The following LMAN2 variants were observed in gnomAD, a reference collection of about 807,000 sequenced individuals.
LMAN2 encodes vesicular integral-membrane protein VIP36.
LMAN2 carries 22 observed loss-of-function variants against 39.3 expected under a neutral mutation model. That is an observed-to-expected ratio of 0.56 (90% CI 0.40 to 0.80). The LOEUF (loss-of-function observed/expected upper bound fraction) is 0.80. Among genes scored for constraint, LMAN2 ranks in the 30% least tolerant of loss-of-function variants. The pLI is 0.00. For missense variants in LMAN2, 494 were observed against 505.4 expected, an observed-to-expected ratio of 0.98 and a Z score of 0.22; for synonymous variants, 207 against 207.8, an observed-to-expected ratio of 1.00 and a Z score of 0.03.
In LMAN2 at chr5:177,337,328, C is replaced by A. The variant is rs1561604209; in HGVS notation, c.675+35G>T. On this transcript the variant is annotated intron_variant, in intron 5 of 7. Transcript: ENST00000303127. The surrounding 1 kb of genome is among the most constrained non-coding windows in gnomAD (Gnocchi z 8.2). The stretch of plus-strand genomic sequence containing the variant: ...AGCCTCTGTGGGACCAGCACAGGGC[C>A]ACCAGCTGCCACCCCCACCGCCTAG... The A allele has an allele frequency of 6.2e-7, 1 of 1,610,118 alleles. No homozygotes were observed. Among genetic ancestry groups the A allele is most frequent in the Admixed American group, 1.7e-5 (1 of 59,934 alleles).
chr5:177,337,141 A>G lies in LMAN2; in HGVS notation c.785T>C (p.Leu262Pro). 1 of 1,612,122 alleles carries G rather than the reference A, an allele frequency of 6.2e-7. No individual in the cohort carries two copies. The highest frequency in any genetic ancestry group is 8.5e-7 in the Non-Finnish European group (1 of 1,179,148). Residue 262 changes from leucine to proline, a missense_variant, in exon 6 of 8, where the codon CTG (leucine) becomes CCG (proline). Physicochemically the swap from Leu to Pro is moderately conservative, Grantham distance 98. Coordinates refer to ENST00000303127, the MANE Select transcript of LMAN2 (RefSeq NM_006816.3). The surrounding 1 kb of genome is among the most constrained non-coding windows in gnomAD (Gnocchi z 8.2). ...GCCTGGCCCGGCCCACTCACCAGAC[A>G]GGTCGCCGGTGCCGGCGGAGGCCCC... ...YFGASAGTGD[L>P]SDNHDIISMK...
chr5:177,345,359 A>C (rs2127318745), intron 2 of LMAN2, among the ~76,000 whole-genome samples: 1 of 151,350 alleles, frequency 6.6e-6, no homozygotes, highest in East Asian at 1.9e-4. Context: ...AAAAAAAAAA[A>C]AAAGCCACTC....
intron 2 of LMAN2, among the ~76,000 whole-genome samples, chr5:177,341,686 G>A (rs1245528425): frequency 6.6e-6 from 1 of 152,242 alleles, no homozygotes. Context: ...TGTAAAGTCA[G>A]ATTCCAGAAG....
intron 2 of LMAN2, among the ~76,000 whole-genome samples, chr5:177,342,494 A>C (rs913637930): frequency 6.6e-6 from 1 of 152,104 alleles, no homozygotes; most frequent in Admixed American, 6.6e-5. Flanking sequence ...AGACTAGCCC[A>C]GGCAACACGG....
In LMAN2 at chr5:177,337,802, A is replaced by G. The variant is rs1418341916; in HGVS notation, c.434-17T>C. 6.2e-7 allele frequency: 1 copy of G among 1,611,734 alleles called. No homozygotes were observed. Among genetic ancestry groups the G allele is most frequent in the South Asian group, 1.1e-5 (1 of 90,664 alleles). On this transcript the variant is annotated splice_polypyrimidine_tract_variant and intron_variant, in intron 3 of 7. Transcript: ENST00000303127. This position sits in a 1 kb window ranked among gnomAD's most constrained non-coding sequence, Gnocchi z 8.2. Reference sequence around the variant, plus strand: ...ACACAGGCCCTAGAATTATAAGCAGATGCTCTCAGAATGGGAGAAACAGGA... The same window carrying G: ...ACACAGGCCCTAGAATTATAAGCAGGTGCTCTCAGAATGGGAGAAACAGGA...
intron 2 of LMAN2, among the ~76,000 whole-genome samples, chr5:177,341,639 C>A (rs1305191141): frequency 2.6e-5 from 4 of 152,244 alleles, no homozygotes; most frequent in African/African-American, 9.6e-5. Context: ...CTCACACTTT[C>A]ATTCTTCAGG....
At chr5:177,351,340 C>T (rs1761720953) in intron 1 of LMAN2, 49 bp from the exon 2 acceptor site, 2 of 1,605,832 alleles carry the variant, frequency 1.2e-6, no homozygotes, top group Non-Finnish European at 1.7e-6. Context: ...CTGGCCTCAC[C>T]AGAGGCAGGA....
intron 2 of LMAN2, among the ~76,000 whole-genome samples, chr5:177,344,849 T>C (rs1186105070): frequency 6.6e-6 from 1 of 150,558 alleles, no homozygotes; most frequent in Non-Finnish European, 1.5e-5. Context: ...GAGGTTGTGG[T>C]GAGCCGAGAT....
intron 2 of LMAN2, among the ~76,000 whole-genome samples, chr5:177,344,452 T>C (rs955525055): frequency 1.3e-5 from 2 of 151,218 alleles, no homozygotes; most frequent in Non-Finnish European, 1.5e-5. Flanking sequence ...AGCTAATTAG[T>C]TGTATTTTTA....
At chr5:177,340,299 G>A (rs1350732392) in intron 2 of LMAN2, among the ~76,000 whole-genome samples, 1 of 152,150 alleles carries the variant, frequency 6.6e-6, no homozygotes, top group Admixed American at 6.5e-5. Flanking sequence ...GCAATCCTGA[G>A]AACGTGTGCC....
chr5:177,332,276 C>G lies in LMAN2; in HGVS notation c.911-30G>C. Reference sequence around the variant, plus strand: ...GGGAGAAGAAACGGGGGAGCTGAAACGGCAGCACGGGCCGGGGATCAGGGG... The same window carrying G: ...GGGAGAAGAAACGGGGGAGCTGAAAGGGCAGCACGGGCCGGGGATCAGGGG... On this transcript the variant is annotated intron_variant, in intron 7 of 7. Transcript: ENST00000303127. The surrounding 1 kb of genome is among the most constrained non-coding windows in gnomAD (Gnocchi z 6.3). 1 of 1,604,344 alleles carries G rather than the reference C, an allele frequency of 6.2e-7. No individual in the cohort carries two copies. The highest frequency in any genetic ancestry group is 1.1e-5 in the South Asian group (1 of 90,358).
At chr5:177,347,165 T>C (rs1318118209) in intron 2 of LMAN2, among the ~76,000 whole-genome samples, 2 of 152,038 alleles carry the variant, frequency 1.3e-5, no homozygotes, top group Non-Finnish European at 2.9e-5. Flanking sequence ...AGAAACCAGA[T>C]TTCAAATGGT....
At chr5:177,351,412 C>T (rs776735988) in intron 1 of LMAN2, 40 bp downstream of exon 1, 11 of 1,606,282 alleles carry the variant, frequency 6.8e-6, no homozygotes, top group Admixed American at 5.0e-5. Context: ...TGTTCAGCCT[C>T]GCCCTCACTC....
In LMAN2 at chr5:177,337,163, C is replaced by T; in HGVS notation, c.763G>A (p.Ala255Thr). The change falls in exon 6 of 8, where the codon GCC becomes ACC. Residue 255 changes from alanine to threonine, a missense_variant. Ala to Thr is a moderately conservative substitution (Grantham distance 58). Coordinates refer to ENST00000303127, the MANE Select transcript of LMAN2 (RefSeq NM_006816.3). This position sits in a 1 kb window ranked among gnomAD's most constrained non-coding sequence, Gnocchi z 8.2. ...VRLPTGYYFGASAGTGDLSDN... is the reference protein window; with the variant it reads ...VRLPTGYYFGTSAGTGDLSDN... ...GACAGGTCGCCGGTGCCGGCGGAGG[C>T]CCCGAAGTAGTAGCCGGTGGGCAGG... 1 of 1,613,716 alleles carries T rather than the reference C, an allele frequency of 6.2e-7. No homozygotes were observed.
chr5:177,331,785 C>T lies in LMAN2; in HGVS notation c.*301G>A, dbSNP rs8119. The T allele has an allele frequency of 0.058, 15,833 of 272,606 alleles. 1,248 individuals are homozygous for T. Among genetic ancestry groups the T allele is most frequent in the African/African-American group, 0.23 (10,341 of 45,626 alleles). The allele number at this position is 272,606 out of a possible 1,614,324, so 16.9% of individuals were successfully genotyped here. ...GCCCACCCCAGTGTGGTCCGGGGGA[C>T]CCTCCAGTGTTCAACAGCTGCCTGC... is the stretch of plus-strand genomic sequence containing the variant. On this transcript the variant is annotated 3_prime_UTR_variant, in exon 8 of 8. Transcript: ENST00000303127.
rs1159301189 is a variant in LMAN2 at position 177,337,086 on chromosome 5, C to T, written c.790+50G>A. On this transcript the variant is annotated intron_variant, in intron 6 of 7. Coordinates refer to ENST00000303127, the MANE Select transcript of LMAN2 (RefSeq NM_006816.3). This position sits in a 1 kb window ranked among gnomAD's most constrained non-coding sequence, Gnocchi z 8.2. ...ATCAACTGCATGGAAAGCTCCCAGTCCCTCAGGGTGAGCTGGGCTGGGAAC... is the reference window on the plus strand; with the variant it reads ...ATCAACTGCATGGAAAGCTCCCAGTTCCTCAGGGTGAGCTGGGCTGGGAAC... The T allele has an allele frequency of 1.4e-6, 2 of 1,391,708 alleles. No individual in the cohort carries two copies. Among genetic ancestry groups the T allele is most frequent in the East Asian group, 2.3e-5 (1 of 43,664 alleles). 86.2% of individuals were successfully genotyped at this position (1,391,708 alleles called of 1,614,324 possible). A position where few individuals can be genotyped will look rare whatever the true frequency, so the allele number is the denominator to read the frequency against.
Position 177,337,486 on chromosome 5 carries a change from G to A in LMAN2, c.552C>T (p.Gly184=). ...CCTTGCTGTGGTCGTAGGACAGGGAGCCATTGTTCACCATCACCGAGATGT... is the reference window on the plus strand; with the variant it reads ...CCTTGCTGTGGTCGTAGGACAGGGAACCATTGTTCACCATCACCGAGATGT... ...FPYISVMVNN[G]SLSYDHSKDG... Residue 184 remains glycine (G), a synonymous_variant, in exon 5 of 8, where the codon GGC becomes GGT. Transcript: ENST00000303127. This position sits in a 1 kb window ranked among gnomAD's most constrained non-coding sequence, Gnocchi z 8.2. The A allele has an allele frequency of 6.2e-7, 1 of 1,614,032 alleles. No individual in the cohort carries two copies. Among genetic ancestry groups the A allele is most frequent in the South Asian group, 1.1e-5 (1 of 91,076 alleles).
Position 177,332,181 on chromosome 5 carries a change from G to C in LMAN2, c.976C>G (p.Leu326Val). The stretch of plus-strand genomic sequence containing the variant: ...ATGCCCAGGAGAGCGCACAGCAGCA[G>C]CAGGAACACCCGCCACCCCGTCAGG... ...GPLTGWRVFLLLLCALLGIVV... is the reference protein window; with the variant it reads ...GPLTGWRVFLVLLCALLGIVV... The change falls in exon 8 of 8, where the codon CTG becomes GTG. Residue 326 changes from leucine to valine, a missense_variant. Coordinates refer to ENST00000303127, the MANE Select transcript of LMAN2 (RefSeq NM_006816.3). The surrounding 1 kb of genome is among the most constrained non-coding windows in gnomAD (Gnocchi z 6.3). The C allele has an allele frequency of 6.2e-7, 1 of 1,613,602 alleles. No individual in the cohort carries two copies. Among genetic ancestry groups the C allele is most frequent in the Non-Finnish European group, 8.5e-7 (1 of 1,179,952 alleles).
chr5:177,345,319 T>C (rs1242434286), intron 2 of LMAN2, among the ~76,000 whole-genome samples: 1 of 118,558 alleles, frequency 8.4e-6, no homozygotes. Context: ...CCAGCCTAGG[T>C]GACAGATTAA....
Sources: allele counts gnomAD v4.1 joint callset (sites outside exome capture counted in the v4.1 genomes callset), GRCh38; gene constraint gnomAD v4.1.1; non-coding constraint Gnocchi (gnomAD v3.1); transcripts MANE v1.5; gene names NCBI Gene and HGNC (gene_info 2026-07-23, HGNC 2026-07-21).